Variants in EP300 observed in about 807,000 individuals in gnomAD.
The protein encoded by EP300 is histone acetyltransferase p300.
Under a neutral mutation model 264.0 loss-of-function variants are expected in EP300, and 31 were observed. The observed-to-expected ratio is 0.12, with a 90% CI of 0.09 to 0.16. EP300 has a LOEUF of 0.16. Ranked by LOEUF, EP300 falls within the 10% of genes least tolerant of loss-of-function variation. EP300 has a pLI of 1.00. For missense variants in EP300, 2,766 were observed against 3,052.9 expected (o/e 0.91, Z 2.21); for synonymous variants, 1,340 against 1,045.4 (o/e 1.28, Z -5.44).
intron 6 of EP300, among the ~76,000 whole-genome samples, chr22:41,134,895 C>CT (rs2058941395): frequency 7.1e-6 from 1 of 140,886 alleles, no homozygotes; most frequent in Non-Finnish European, 1.5e-5. Flanking sequence ...ATGAGCATTG[C>CT]TTTTTTCTTT....
intron 2 of EP300, among the ~76,000 whole-genome samples, chr22:41,123,927 A>G (rs2058866409): frequency 6.6e-6 from 1 of 152,214 alleles, no homozygotes; most frequent in Non-Finnish European, 1.5e-5. Context: ...TGAACTTAAC[A>G]TAAATATAGA....
At chr22:41,109,230 G>A (rs1323925116) in intron 1 of EP300, among the ~76,000 whole-genome samples, 1 of 147,636 alleles carries the variant, frequency 6.8e-6, no homozygotes, top group Admixed American at 7.0e-5. Context: ...CTCCAGGCTG[G>A]GCGACAGAGC....
At chr22:41,112,988 T>C (rs1246188892) in intron 1 of EP300, among the ~76,000 whole-genome samples, 2 of 152,186 alleles carry the variant, frequency 1.3e-5, no homozygotes, top group Non-Finnish European at 2.9e-5. Flanking sequence ...CAGAAATATT[T>C]CAATGTATAT....
At chr22:41,105,559 C>T (rs1231434303) in intron 1 of EP300, among the ~76,000 whole-genome samples, 3 of 151,618 alleles carry the variant, frequency 2.0e-5, no homozygotes, top group Non-Finnish European at 4.4e-5. Context: ...CCACCACAGC[C>T]GGCTAATTTT....
chr22:41,170,878 T>G (rs1048165076), intron 27 of EP300, among the ~76,000 whole-genome samples: 9 of 151,470 alleles, frequency 5.9e-5, no homozygotes, highest in South Asian at 2.1e-4. Context: ...TTAGCCAGGA[T>G]GGTCTCGATC....
At chr22:41,151,796 C>G in intron 14 of EP300, 37 bp from the exon 15 acceptor site, 3 of 1,601,800 alleles carry the variant, frequency 1.9e-6, no homozygotes, top group Non-Finnish European at 2.6e-6. Flanking sequence ...GCAGACTCTG[C>G]GTGTGTCTCA....
intron 4 of EP300, among the ~76,000 whole-genome samples, chr22:41,128,894 T>G (rs1218412486): frequency 6.6e-6 from 1 of 152,146 alleles, no homozygotes; most frequent in African/African-American, 2.4e-5. Flanking sequence ...GTTAACTCAC[T>G]CGGTAAAGGT....
intron 22 of EP300, among the ~76,000 whole-genome samples, chr22:41,165,467 A>G (rs2059129095): frequency 6.6e-6 from 1 of 152,136 alleles, no homozygotes; most frequent in Non-Finnish European, 1.5e-5. Flanking sequence ...CTTGTTGCCC[A>G]GGCTGGAGTG....
At chr22:41,144,113 A>G (rs990179273) in intron 10 of EP300, among the ~76,000 whole-genome samples, 6 of 152,194 alleles carry the variant, frequency 3.9e-5, no homozygotes, top group African/African-American at 1.4e-4. Context: ...AGAAGTATGC[A>G]TGTTATAGTC....
chr22:41,100,739 A>G (rs1375599438), intron 1 of EP300, among the ~76,000 whole-genome samples: 2 of 152,180 alleles, frequency 1.3e-5, no homozygotes, highest in Admixed American at 1.3e-4. Flanking sequence ...CAAATACTAC[A>G]TGTCCCCTTT....
chr22:41,097,795 T>C (rs1486520042), intron 1 of EP300, among the ~76,000 whole-genome samples: 1 of 151,062 alleles, frequency 6.6e-6, no homozygotes, highest in African/African-American at 2.4e-5. Flanking sequence ...AAATTTTTCT[T>C]TTTTTTTTGA....
chr22:41,179,548 AC>A lies in EP300; in HGVS notation c.*593del. The stretch of plus-strand genomic sequence containing the variant: ...AAAAAATGTTTAAAAAAAAAAAAAA[AC>A]TGCCTTTCTTCCCCTCAAGTCAACT... On this transcript the variant is annotated 3_prime_UTR_variant, in exon 31 of 31. Coordinates refer to ENST00000263253, the MANE Select transcript of EP300 (RefSeq NM_001429.4). 5.1e-6 allele frequency: 1 copy of A among 194,588 alleles called. No individual in the cohort carries two copies. Among genetic ancestry groups the A allele is most frequent in the Non-Finnish European group, 1.1e-5 (1 of 95,058 alleles). The allele number at this position is 194,588 out of a possible 1,614,324, so 12.1% of individuals were successfully genotyped here.
At position 41,131,477 on chromosome 22, in the gene EP300, C is replaced by G; in HGVS notation, c.1372C>G (p.Gln458Glu). ...TGCCCCCAACCTAAGCACTGTTAGTCAGATTGATCCCAGCTCCATAGAAAG... is the reference window on the plus strand; with the variant it reads ...TGCCCCCAACCTAAGCACTGTTAGTGAGATTGATCCCAGCTCCATAGAAAG... ...QSAPNLSTVSQIDPSSIERAY... is the reference protein window; with the variant it reads ...QSAPNLSTVSEIDPSSIERAY... Residue 458 changes from glutamine (Q) to glutamate (E), a missense_variant, in exon 6 of 31, where the codon CAG (glutamine) becomes GAG (glutamate). Gln to Glu is a conservative substitution (Grantham distance 29, BLOSUM62 2). Coordinates refer to ENST00000263253, the MANE Select transcript of EP300 (RefSeq NM_001429.4). 1 of 1,614,074 alleles carries G rather than the reference C, an allele frequency of 6.2e-7. No homozygotes were observed. The highest frequency in any genetic ancestry group is 8.5e-7 in the Non-Finnish European group (1 of 1,180,012).
In EP300 at chr22:41,147,964, G is replaced by T. The variant is rs1569106449; in HGVS notation, c.2241+18G>T. On this transcript the variant is annotated intron_variant, in intron 12 of 30. Coordinates refer to ENST00000263253, the MANE Select transcript of EP300 (RefSeq NM_001429.4). ...TCAACCCGGTTAGTTTGACGTCTTT[G>T]GTAATCTCTTTGGCCTTTACCTGGT... The T allele has an allele frequency of 6.4e-7, 1 of 1,556,460 alleles. No individual in the cohort carries two copies. The highest frequency in any genetic ancestry group is 1.1e-5 in the South Asian group (1 of 87,036).
At chr22:41,099,702 A>G (rs920811248) in intron 1 of EP300, among the ~76,000 whole-genome samples, 10 of 152,202 alleles carry the variant, frequency 6.6e-5, no homozygotes, top group African/African-American at 1.2e-4. Flanking sequence ...TGGCATATCC[A>G]TATAGCTGTC....
chr22:41,167,477 T>G (rs2059140906), intron 23 of EP300, among the ~76,000 whole-genome samples: 1 of 150,932 alleles, frequency 6.6e-6, no homozygotes, highest in Non-Finnish European at 1.5e-5. Flanking sequence ...CTTGTAAGGT[T>G]TCTCAAAATG....
At chr22:41,135,002 G>T (rs754738000) in intron 6 of EP300, among the ~76,000 whole-genome samples, 2 of 152,072 alleles carry the variant, frequency 1.3e-5, no homozygotes, top group Non-Finnish European at 2.9e-5. Flanking sequence ...CCGCCTCCTG[G>T]GTTCAAGCGA....
rs1160342203 is a variant in EP300 at position 41,179,050 on chromosome 22, A to G, written c.*94A>G. The G allele has an allele frequency of 2.7e-6, 4 of 1,473,258 alleles. No individual in the cohort carries two copies. The highest frequency in any genetic ancestry group is 3.7e-6 in the Non-Finnish European group (4 of 1,077,820). The allele number at this position is 1,473,258 out of a possible 1,614,324, so 91.3% of individuals were successfully genotyped here. A position where few individuals can be genotyped will look rare whatever the true frequency, so the allele number is the denominator to read the frequency against. Reference sequence around the variant, plus strand: ...AATTTTTTTGAATCTTTCGTAGCCTAAAAGACAATTTTCCTTGGAACACAT... The same window carrying G: ...AATTTTTTTGAATCTTTCGTAGCCTGAAAGACAATTTTCCTTGGAACACAT... On this transcript the variant is annotated 3_prime_UTR_variant, in exon 31 of 31. Transcript: ENST00000263253.
chr22:41,118,033 G>A (rs986021603), intron 2 of EP300, among the ~76,000 whole-genome samples: 1 of 152,114 alleles, frequency 6.6e-6, no homozygotes, highest in Non-Finnish European at 1.5e-5. Flanking sequence ...AATGATTGCT[G>A]GCTAATGCTG....
Sources: gnomAD v4.1 joint callset for allele counts (sites outside exome capture counted in the v4.1 genomes callset) on GRCh38, gnomAD v4.1.1 for gene constraint, MANE v1.5 for transcripts, NCBI Gene and HGNC (gene_info 2026-07-23, HGNC 2026-07-21) for gene names.